Variants in CMYA5 observed in about 807,000 individuals in gnomAD.
CMYA5 encodes cardiomyopathy-associated protein 5.
Under a neutral mutation model 318.9 loss-of-function variants are expected in CMYA5, and 246 were observed. The ratio of observed to expected loss-of-function variants is 0.77; its 90% CI spans 0.70 to 0.86. The LOEUF (loss-of-function observed/expected upper bound fraction) is 0.86, where lower values mean the gene tolerates loss of function less well. Among genes scored for constraint, CMYA5 ranks in the 40% least tolerant of loss-of-function variants. The pLI is 0.00. For synonymous variants in CMYA5, 1,641 were observed against 1,729.5 expected, an observed-to-expected ratio of 0.95 and a Z score of 1.27; for missense variants, 4,589 against 4,678.2, an observed-to-expected ratio of 0.98 and a Z score of 0.56.
Position 79,737,900 on chromosome 5 carries a change from A to C in CMYA5, c.9135A>C (p.Thr3045=). 8.7e-6 allele frequency: 14 copies of C among 1,605,454 alleles called. No individual in the cohort carries two copies. The highest frequency in any genetic ancestry group is 1.2e-5 in the Non-Finnish European group (14 of 1,177,880). Residue 3045 remains threonine (T), a synonymous_variant, in exon 2 of 13, where the codon ACA becomes ACC. Coordinates refer to ENST00000446378, the MANE Select transcript of CMYA5 (RefSeq NM_153610.5). The part of the protein sequence containing the change: ...SETDLSFIQP[T]IPSEEDYFEK... ...CTGATTTATCATTTATTCAGCCCAC[A>C]ATTCCCAGTGAAGAGGATTATTTTG...
chr5:79,785,309 C>T (rs1027897082), intron 9 of CMYA5, among the ~76,000 whole-genome samples: 5 of 151,894 alleles, frequency 3.3e-5, no homozygotes, highest in Non-Finnish European at 7.4e-5. Context: ...AATCAGGATG[C>T]GTAGCCTCCT....
At chr5:79,790,383 T>C (rs959989362) in intron 10 of CMYA5, among the ~76,000 whole-genome samples, 1 of 152,078 alleles carries the variant, frequency 6.6e-6, no homozygotes, top group Non-Finnish European at 1.5e-5. Flanking sequence ...TACTCTCCTG[T>C]CTCAGCCTCC....
At chr5:79,719,921 C>T (rs1561201071) in intron 1 of CMYA5, among the ~76,000 whole-genome samples, 1 of 151,876 alleles carries the variant, frequency 6.6e-6, no homozygotes, top group African/African-American at 2.4e-5. Flanking sequence ...AATGGAAATT[C>T]GAAAACTGAA....
chr5:79,774,853 C>T (rs1828912291), intron 9 of CMYA5, among the ~76,000 whole-genome samples: 2 of 152,186 alleles, frequency 1.3e-5, no homozygotes, highest in Admixed American at 1.3e-4. Context: ...GGTAAGTTTC[C>T]TAATGAACTT....
intron 1 of CMYA5, among the ~76,000 whole-genome samples, chr5:79,722,666 G>T (rs1827663251): frequency 8.9e-6 from 1 of 112,492 alleles, no homozygotes; most frequent in African/African-American, 3.6e-5. Context: ...GACAGAGTGA[G>T]ACTCTGTCTC....
In CMYA5 at chr5:79,738,282, A is replaced by G. The variant is rs773645464; in HGVS notation, c.9517A>G (p.Thr3173Ala). 1.2e-5 allele frequency: 19 copies of G among 1,613,546 alleles called. No homozygotes were observed. Among genetic ancestry groups the G allele is most frequent in the Middle Eastern group, 1.7e-4 (1 of 6,054 alleles). ...GVLSRTQIFP[T>A]TIKVIDPEFL... is the part of the protein sequence containing the mutation. ...TCTATCACGAACCCAGATATTTCCT[A>G]CCACTATTAAAGTCATTGATCCAGA... is the stretch of plus-strand genomic sequence containing the variant. The change falls in exon 2 of 13, where the codon ACC (threonine) becomes GCC (alanine). Residue 3173 changes from threonine to alanine, a missense_variant. By Grantham distance (58) the Thr-to-Ala change is moderately conservative. This residue lies in a region of CMYA5 where 2,431 missense variants were observed against 2,495.1 expected (regional missense o/e 0.97). Coordinates refer to ENST00000446378, the MANE Select transcript of CMYA5 (RefSeq NM_153610.5).
At chr5:79,713,758 T>C (rs746804214) in intron 1 of CMYA5, among the ~76,000 whole-genome samples, 1 of 152,158 alleles carries the variant, frequency 6.6e-6, no homozygotes, top group Non-Finnish European at 1.5e-5. Flanking sequence ...CTTTACCTAC[T>C]ACTACGTAGA....
At chr5:79,757,799 T>C (rs571617157) in intron 6 of CMYA5, among the ~76,000 whole-genome samples, 8 of 152,354 alleles carry the variant, frequency 5.3e-5, no homozygotes, top group African/African-American at 1.9e-4. Flanking sequence ...GCTCCAACTA[T>C]AGGACTGTAG....
intron 1 of CMYA5, among the ~76,000 whole-genome samples, chr5:79,728,351 A>C (rs963412388): frequency 2.0e-5 from 3 of 150,420 alleles, no homozygotes; most frequent in African/African-American, 7.4e-5. Context: ...GATATGAAGA[A>C]TTTGCTGAGA....
intron 1 of CMYA5, among the ~76,000 whole-genome samples, chr5:79,700,972 C>T (rs1827163334): frequency 1.3e-5 from 2 of 151,318 alleles, no homozygotes; most frequent in Admixed American, 6.6e-5. Context: ...GGGCTGGGCG[C>T]AGTGGCTCAC....
chr5:79,760,526 A>G (rs1012496135), intron 7 of CMYA5, among the ~76,000 whole-genome samples: 2 of 152,208 alleles, frequency 1.3e-5, no homozygotes, highest in African/African-American at 2.4e-5. Context: ...GAATCATGGC[A>G]GAAGGTGAAG....
At chr5:79,748,520 CCTAT>C (rs5869002) in intron 5 of CMYA5, among the ~76,000 whole-genome samples, 64,578 of 148,990 alleles carry the variant, frequency 0.43, 14,097 homozygotes, top group African/African-American at 0.5. Flanking sequence ...TATCTATCTA[CCTAT>C]CTATCTATCT....
At chr5:79,781,753 G>T (rs1580804308) in intron 9 of CMYA5, among the ~76,000 whole-genome samples, 1 of 44,154 alleles carries the variant, frequency 2.3e-5, no homozygotes, top group Non-Finnish European at 3.3e-5. Context: ...CTGTGGGATC[G>T]GTGGTGATAT....
chr5:79,761,768 A>G, intron 7 of CMYA5, 43 bp from the exon 8 acceptor site: 1 of 1,568,586 alleles, frequency 6.4e-7, no homozygotes, highest in East Asian at 2.3e-5. Flanking sequence ...ACTTTTAATT[A>G]ACTTTGGAAG....
chr5:79,702,666 G>A (rs1301027878), intron 1 of CMYA5, among the ~76,000 whole-genome samples: 1 of 152,124 alleles, frequency 6.6e-6, no homozygotes, highest in East Asian at 1.9e-4. Flanking sequence ...TGATGAAAAT[G>A]TTCTAAAATT....
rs183648327 is a variant in CMYA5 at position 79,731,134 on chromosome 5, G to C, written c.2369G>C (p.Arg790Pro). ...GAAGGAGAGGACCTAGGAAGTGAAC[G>C]TTTCACACCGGATTCAAAGTTGATC... ...PSEGEDLGSERFTPDSKLISK... is the reference protein window; with the variant it reads ...PSEGEDLGSEPFTPDSKLISK... Residue 790 changes from arginine to proline, a missense_variant, in exon 2 of 13, where the codon CGT (arginine) becomes CCT (proline). Arg to Pro is a moderately radical substitution (Grantham distance 103). Coordinates refer to ENST00000446378, the MANE Select transcript of CMYA5 (RefSeq NM_153610.5). 7 of 1,613,870 alleles carry C rather than the reference G, an allele frequency of 4.3e-6. No individual in the cohort carries two copies. In the East Asian group the frequency reaches 8.9e-5, roughly 21 times the overall value.
At chr5:79,795,923 C>T (rs35784919) in intron 12 of CMYA5, among the ~76,000 whole-genome samples, 17,873 of 152,216 alleles carry the variant, frequency 0.12, 1,241 homozygotes, top group Middle Eastern at 0.18. Flanking sequence ...CAAAGCCAGC[C>T]AGGCAGAGAG....
chr5:79,723,999 T>C (rs944086524), intron 1 of CMYA5, among the ~76,000 whole-genome samples: 3 of 151,982 alleles, frequency 2.0e-5, no homozygotes, highest in Non-Finnish European at 4.4e-5. Context: ...AAAGAAAATA[T>C]GATCATTTCC....
In CMYA5 at chr5:79,754,393, C is replaced by T. The variant is rs182498996; in HGVS notation, c.11110+1599C>T. 1.9e-4 allele frequency among the ~76,000 whole-genome samples: 29 copies of T among 152,302 alleles called. 1 individual carries two copies. The highest frequency in any genetic ancestry group is 1.6e-3 in the Admixed American group (25 of 15,300). ...GTGGAAACCGTTAAGCATATCAAATCATCTAATCTCACCATAACCCAAGGA... is the reference window on the plus strand; with the variant it reads ...GTGGAAACCGTTAAGCATATCAAATTATCTAATCTCACCATAACCCAAGGA... On this transcript the variant is annotated intron_variant, in intron 6 of 12. Coordinates refer to ENST00000446378, the MANE Select transcript of CMYA5 (RefSeq NM_153610.5).
Sources: allele counts gnomAD v4.1 joint callset (sites outside exome capture counted in the v4.1 genomes callset), GRCh38; gene constraint gnomAD v4.1.1; regional missense constraint gnomAD v4.1.1; transcripts MANE v1.5; gene names NCBI Gene and HGNC (gene_info 2026-07-23, HGNC 2026-07-21).